Variants in BNC2 observed in about 807,000 individuals in gnomAD.
BNC2 encodes zinc finger protein basonuclin-2.
Under a neutral mutation model 76.3 loss-of-function variants are expected in BNC2, and 20 were observed. The ratio of observed to expected loss-of-function variants is 0.26; its 90% CI spans 0.18 to 0.38. BNC2 has a LOEUF of 0.38. Ranked by LOEUF, BNC2 falls within the 10% of genes least tolerant of loss-of-function variation. The pLI, the probability that BNC2 is intolerant of heterozygous loss-of-function variation, is 1.00. For synonymous variants in BNC2, 582 were observed against 514.8 expected (o/e 1.13, Z -1.77); for missense variants, 1,382 against 1,399.8 (o/e 0.99, Z 0.20).
chr9:16,836,802 TA>T (rs1818718188), intron 1 of BNC2, among the ~76,000 whole-genome samples: 1 of 151,670 alleles, frequency 6.6e-6, no homozygotes, highest in African/African-American at 2.4e-5. Context: ...CTCAAAAAAA[TA>T]AAAAAGAAAG....
chr9:16,565,000 T>C (rs915786493), intron 4 of BNC2, among the ~76,000 whole-genome samples: 6 of 152,302 alleles, frequency 3.9e-5, no homozygotes, highest in East Asian at 3.9e-4. Context: ...AACTCTTCCA[T>C]TGCAGTTTTT....
intron 4 of BNC2, among the ~76,000 whole-genome samples, chr9:16,580,371 T>C (rs1819600274): frequency 6.6e-6 from 1 of 152,102 alleles, no homozygotes; most frequent in Admixed American, 6.6e-5. Context: ...AGGTGATAAT[T>C]GTAAAGGAAA....
At chr9:16,481,293 G>A (rs541890755) in intron 5 of BNC2, among the ~76,000 whole-genome samples, 1 of 152,060 alleles carries the variant, frequency 6.6e-6, no homozygotes, top group Non-Finnish European at 1.5e-5. Flanking sequence ...AAAGCAGGCT[G>A]CCCGAGCCAG....
intron 3 of BNC2, among the ~76,000 whole-genome samples, chr9:16,613,338 T>G (rs1352052651): frequency 6.6e-6 from 1 of 152,076 alleles, no homozygotes; most frequent in African/African-American, 2.4e-5. Flanking sequence ...ATGCAAAACT[T>G]CTAGGAAAAA....
chr9:16,848,833 A>G (rs141168576), intron 1 of BNC2, among the ~76,000 whole-genome samples: 2,504 of 152,304 alleles, frequency 0.016, 69 homozygotes, highest in African/African-American at 0.057. Context: ...GGAAAATTCC[A>G]CACCTGACAC....
intron 5 of BNC2, among the ~76,000 whole-genome samples, chr9:16,495,580 G>T (rs560973152): frequency 2.0e-5 from 3 of 152,230 alleles, no homozygotes; most frequent in Non-Finnish European, 4.4e-5. Context: ...CACCAAAGTG[G>T]CAAGTGGTGC....
In BNC2 at chr9:16,437,453, C is replaced by T. The variant is rs553406562; in HGVS notation, c.741G>A (p.Gln247=). The T allele has an allele frequency of 6.2e-7, 1 of 1,613,324 alleles. No homozygotes were observed. The highest frequency in any genetic ancestry group is 1.7e-5 in the Admixed American group (1 of 59,936). The change falls in exon 6 of 7, where the codon CAG becomes CAA. Residue 247 remains glutamine, a synonymous_variant. Coordinates refer to ENST00000380672, the MANE Select transcript of BNC2 (RefSeq NM_017637.6). ...ATTTGGTTTCTCCAAACCGCAGAAA[C>T]TGCTGAAGGGTGATGATTTCCTCTT... The part of the protein sequence containing the change: ...SREEEIITLQ[Q]FLRFGETKSI...
intron 3 of BNC2, among the ~76,000 whole-genome samples, chr9:16,679,289 T>C (rs189233121): frequency 2.2e-4 from 33 of 152,332 alleles, no homozygotes; most frequent in Admixed American, 2.2e-3. Flanking sequence ...GAATGTTTTA[T>C]AATATAAAAA....
At chr9:16,663,629 C>T (rs968521903) in intron 3 of BNC2, among the ~76,000 whole-genome samples, 13 of 151,962 alleles carry the variant, frequency 8.6e-5, no homozygotes, top group Non-Finnish European at 1.0e-4. Context: ...AACTGCATTC[C>T]GGTGACTTTA....
intron 5 of BNC2, among the ~76,000 whole-genome samples, chr9:16,485,105 C>T (rs998239179): frequency 9.1e-6 from 1 of 110,058 alleles, no homozygotes; most frequent in Admixed American, 9.0e-5. Context: ...CACAGAGACA[C>T]ACACAGACAC....
intron 1 of BNC2, among the ~76,000 whole-genome samples, chr9:16,837,258 C>A (rs928294402): frequency 1.3e-5 from 2 of 152,226 alleles, no homozygotes; most frequent in Non-Finnish European, 2.9e-5. Context: ...GTAATCCCAG[C>A]ACTTTGGGAG....
intron 6 of BNC2, chr9:16,421,416 A>G (rs568956238): frequency 1.9e-6 from 1 of 516,946 alleles, no homozygotes; most frequent in African/African-American, 2.0e-5. Context: ...TAAACAATAA[A>G]ATAGGGATTT....
At chr9:16,549,902 A>G (rs528192848) in intron 5 of BNC2, among the ~76,000 whole-genome samples, 1 of 152,254 alleles carries the variant, frequency 6.6e-6, no homozygotes, top group South Asian at 2.1e-4. Context: ...GAACTCCTCT[A>G]ATGTAAAAAT....
chr9:16,822,437 G>A (rs1818359973), intron 1 of BNC2, among the ~76,000 whole-genome samples: 1 of 152,124 alleles, frequency 6.6e-6, no homozygotes, highest in South Asian at 2.1e-4. Flanking sequence ...CAAAAACGCA[G>A]CCTTTTAAAC....
chr9:16,681,052 A>G (rs1371646530), intron 3 of BNC2, among the ~76,000 whole-genome samples: 2 of 152,170 alleles, frequency 1.3e-5, no homozygotes, highest in African/African-American at 4.8e-5. Context: ...TGTTGATTAA[A>G]ATTACTTTAC....
intron 4 of BNC2, among the ~76,000 whole-genome samples, chr9:16,579,277 A>G (rs893509958): frequency 7.2e-6 from 1 of 139,554 alleles, no homozygotes; most frequent in Non-Finnish European, 1.5e-5. Flanking sequence ...TCACTCTTTA[A>G]TTTATTATTT....
intron 5 of BNC2, among the ~76,000 whole-genome samples, chr9:16,447,972 T>C (rs1254779456): frequency 2.0e-5 from 3 of 152,020 alleles, no homozygotes; most frequent in African/African-American, 7.2e-5. Flanking sequence ...TATTTTATAG[T>C]TTAGAACAGC....
chr9:16,545,940 C>A (rs67602727), intron 5 of BNC2, among the ~76,000 whole-genome samples: 1 of 152,170 alleles, frequency 6.6e-6, no homozygotes, highest in South Asian at 2.1e-4. Context: ...CTAGACTAGG[C>A]TTGCAGAGAA....
chr9:16,743,165 C>G (rs1299228789), intron 1 of BNC2, among the ~76,000 whole-genome samples: 2 of 152,226 alleles, frequency 1.3e-5, no homozygotes, highest in Non-Finnish European at 2.9e-5. Context: ...CACCCTGAGT[C>G]AGGCCAGATG....
Sources: allele counts gnomAD v4.1 joint callset (sites outside exome capture counted in the v4.1 genomes callset), GRCh38; gene constraint gnomAD v4.1.1; transcripts MANE v1.5; gene names NCBI Gene and HGNC (gene_info 2026-07-23, HGNC 2026-07-21).